ZNF18: variants seen among roughly 807,000 people sequenced by gnomAD.
ZNF18 encodes the protein heart development-specific gene 1 protein.
A neutral mutation model predicts 58.1 loss-of-function variants in ZNF18; 42 were observed. That is an observed-to-expected ratio of 0.72 (90% confidence interval 0.56 to 0.93). The LOEUF (loss-of-function observed/expected upper bound fraction) is 0.93. Ranked by LOEUF, ZNF18 falls within the 40% of genes least tolerant of loss-of-function variation. The probability of loss-of-function intolerance (pLI) is 0.00; values close to 1 mark genes in which losing one functional copy is unlikely to be tolerated. For synonymous variants in ZNF18, 231 were observed against 239.8 expected (o/e 0.96, Z 0.34); for missense variants, 540 against 644.2 (o/e 0.84, Z 1.75).
At chr17:12,005,756 TA>T in the ZNF18 span, among the ~76,000 whole-genome samples, 1 of 152,218 alleles carries the variant, frequency 6.6e-6, no homozygotes, top group Non-Finnish European at 1.5e-5. Context: ...ATACATATTT[TA>T]AAATATTATT....
At chr17:12,007,205 ACT>A in the ZNF18 span, among the ~76,000 whole-genome samples, 1 of 152,008 alleles carries the variant, frequency 6.6e-6, no homozygotes, top group African/African-American at 2.4e-5. Context: ...CCCAGTGAAG[ACT>A]CTATGTTGAT....
chr17:12,014,980 A>C, the ZNF18 span, among the ~76,000 whole-genome samples: 1 of 152,070 alleles, frequency 6.6e-6, no homozygotes, highest in Non-Finnish European at 1.5e-5. Context: ...CCCGGAAGGC[A>C]GAGCTTGCAG....
At chr17:11,990,904 A>T in intron 3 of ZNF18, 70 bp downstream of exon 3, 1 of 1,503,870 alleles carries the variant, frequency 6.6e-7, no homozygotes, top group Non-Finnish European at 9.1e-7. Context: ...ATACCATTTC[A>T]ACTCACTTAG....
Position 11,978,064 on chromosome 17 carries a change from T to A in ZNF18, c.1543A>T (p.Thr515Ser), listed in dbSNP as rs1567595649. The A allele has an allele frequency of 6.2e-7, 1 of 1,614,176 alleles. No individual in the cohort carries two copies. The highest frequency in any genetic ancestry group is 8.5e-7 in the Non-Finnish European group (1 of 1,180,030). The change falls in exon 7 of 7, where the codon ACT becomes TCT. Residue 515 changes from threonine to serine, a missense_variant. Thr to Ser is a moderately conservative substitution (Grantham distance 58). Transcript: ENST00000580306. ...SNFNRHQRVHTGEKPYKCSHC... is the reference protein window; with the variant it reads ...SNFNRHQRVHSGEKPYKCSHC... ...GAACATTTATAAGGTTTCTCTCCAG[T>A]GTGAACCCTCTGATGTCTATTAAAG...
At chr17:12,003,769 C>T in the ZNF18 span, among the ~76,000 whole-genome samples, 1 of 152,202 alleles carries the variant, frequency 6.6e-6, no homozygotes, top group Non-Finnish European at 1.5e-5. Context: ...CCCCTTTGAG[C>T]TTTTGAATCC....
intron 4 of ZNF18, among the ~76,000 whole-genome samples, chr17:11,984,687 G>T (rs1487690384): frequency 6.6e-6 from 1 of 151,922 alleles, no homozygotes; most frequent in African/African-American, 2.4e-5. Flanking sequence ...GCTAATTTTT[G>T]TATTTTTAGT....
the ZNF18 span, among the ~76,000 whole-genome samples, chr17:12,003,430 ACT>A: frequency 6.9e-6 from 1 of 144,156 alleles, no homozygotes; most frequent in Admixed American, 7.2e-5. Flanking sequence ...ACAGTGTGAG[ACT>A]CTGTCTCAAA....
chr17:11,980,101 T>C (rs144330816), intron 6 of ZNF18, among the ~76,000 whole-genome samples: 3,420 of 152,288 alleles, frequency 0.022, 49 homozygotes, highest in Non-Finnish European at 0.03. Context: ...TTAAGGCTCT[T>C]GACACCTACT....
upstream of ZNF18, among the ~76,000 whole-genome samples, chr17:12,000,919 T>C (rs1333439454): frequency 6.6e-6 from 1 of 152,134 alleles, no homozygotes; most frequent in African/African-American, 2.4e-5. Flanking sequence ...GCAGCAAATA[T>C]AGACAAGTCA....
chr17:12,020,827 A>T, the ZNF18 span: 2 of 777,520 alleles, frequency 2.6e-6, no homozygotes, highest in Non-Finnish European at 3.5e-6. Context: ...CGGCCGTGCG[A>T]GAGGCCGAGC....
chr17:11,984,308 C>T, intron 4 of ZNF18, 111 bp from the exon 5 acceptor site: 3 of 1,071,958 alleles, frequency 2.8e-6, no homozygotes, highest in Admixed American at 2.7e-5. Flanking sequence ...GCCATAGGAT[C>T]CTGGCCATCG....
rs773738207 is a variant in ZNF18, at chr17:11,978,324, C to T, written c.1283G>A (p.Arg428Lys). 2.5e-6 allele frequency: 4 copies of T among 1,591,268 alleles called. No homozygotes were observed. ...YRNSQLIFHQ[R>K]THTGETYFQC... ...AAAGTATGTCTCTCCGGTGTGAGTTCTTTGGTGAAAAATAAGCTGAGAATT... is the reference window on the plus strand; with the variant it reads ...AAAGTATGTCTCTCCGGTGTGAGTTTTTTGGTGAAAAATAAGCTGAGAATT... The change falls in exon 7 of 7, where the codon AGA becomes AAA. Residue 428 changes from arginine to lysine, a missense_variant. By Grantham distance (26) the Arg-to-Lys change is conservative (BLOSUM62 2). Coordinates refer to ENST00000580306, the MANE Select transcript of ZNF18 (RefSeq NM_001303281.2).
chr17:11,979,143 GAAGA>G (rs1031556776), intron 6 of ZNF18, among the ~76,000 whole-genome samples: 11 of 150,156 alleles, frequency 7.3e-5, no homozygotes, highest in African/African-American at 2.7e-4. Context: ...AAAAAAAACT[GAAGA>G]GAGAGAAATA....
At chr17:11,998,736 G>A (rs752178225), upstream of ZNF18, among the ~76,000 whole-genome samples, 11 of 151,670 alleles carry the variant, frequency 7.3e-5, no homozygotes, top group Admixed American at 3.9e-4. Context: ...AAAGGGATTC[G>A]ACATGTTCTC....
chr17:12,010,257 C>T, the ZNF18 span, among the ~76,000 whole-genome samples: 13 of 152,158 alleles, frequency 8.5e-5, no homozygotes, highest in Admixed American at 2.0e-4. Flanking sequence ...TGTAATTCTT[C>T]GCTATTCTAG....
chr17:11,978,344 A>G lies in ZNF18; in HGVS notation c.1263T>C (p.Ser421=). 1 of 1,581,908 alleles carries G rather than the reference A, an allele frequency of 6.3e-7. No homozygotes were observed. The highest frequency in any genetic ancestry group is 8.6e-7 in the Non-Finnish European group (1 of 1,166,916). Residue 421 remains serine (S), a synonymous_variant, in exon 7 of 7, where the codon TCT becomes TCC. Transcript: ENST00000580306. Reference sequence around the variant, plus strand: ...GAGTTCTTTGGTGAAAAATAAGCTGAGAATTCCTATAAAAGGTCTTCCCAC... The same window carrying G: ...GAGTTCTTTGGTGAAAAATAAGCTGGGAATTCCTATAAAAGGTCTTCCCAC... ...RECGKTFYRN[S]QLIFHQRTHT...
chr17:12,007,227 G>A, the ZNF18 span, among the ~76,000 whole-genome samples: 1 of 152,076 alleles, frequency 6.6e-6, no homozygotes, highest in Non-Finnish European at 1.5e-5. Flanking sequence ...TCTCCCTTTT[G>A]AGCTTCAGTT....
chr17:11,987,708 T>C (rs181758768), intron 4 of ZNF18, among the ~76,000 whole-genome samples: 4 of 152,326 alleles, frequency 2.6e-5, no homozygotes, highest in Admixed American at 6.5e-5. Flanking sequence ...CCAAGCCTGG[T>C]TGACATATTC....
In ZNF18 at chr17:11,991,039, G is replaced by T. The variant is rs1387033946; in HGVS notation, c.512C>A (p.Ser171Tyr). The change falls in exon 3 of 7, where the codon TCC becomes TAC. Residue 171 changes from serine to tyrosine, a missense_variant. Ser to Tyr is a moderately radical substitution (Grantham distance 144). Transcript: ENST00000580306. Reference protein sequence around the residue: ...VPQELGLENSSSGPGELLSHI... With the variant: ...VPQELGLENSYSGPGELLSHI... The stretch of plus-strand genomic sequence containing the variant: ...GCTCAGAAGCTCCCCAGGCCCTGAG[G>T]ATGAATTCTCAAGTCCCAACTCCTG... 1 of 1,614,000 alleles carries T rather than the reference G, an allele frequency of 6.2e-7. No individual in the cohort carries two copies. Among genetic ancestry groups the T allele is most frequent in the African/African-American group, 1.3e-5 (1 of 74,886 alleles).
Sources: gnomAD v4.1 joint callset for allele counts (sites outside exome capture counted in the v4.1 genomes callset) on GRCh38, gnomAD v4.1.1 for gene constraint, MANE v1.5 for transcripts, NCBI Gene and HGNC (gene_info 2026-07-23, HGNC 2026-07-21) for gene names.